TBC1D4: variants seen among roughly 807,000 people sequenced by gnomAD.
The protein encoded by TBC1D4 is TBC1 domain family member 4.
In TBC1D4, 121 loss-of-function variants were observed where a neutral mutation model predicts 142.5. That is an observed-to-expected ratio of 0.85 (90% CI 0.73 to 0.99). The LOEUF (loss-of-function observed/expected upper bound fraction) is 0.99. Ranked by LOEUF, TBC1D4 falls within the 50% of genes least tolerant of loss-of-function variation. TBC1D4 has a pLI of 0.00. For missense variants in TBC1D4, 1,475 were observed against 1,606.6 expected, an observed-to-expected ratio of 0.92 and a Z score of 1.40; for synonymous variants, 630 against 628.2, an observed-to-expected ratio of 1.00 and a Z score of -0.04.
chr13:75,444,238 C>G lies in TBC1D4; in HGVS notation c.498+37032G>C, dbSNP rs187994356. ...TCCTGAGCTCAAGAGATCCTTCCACCTCAGCCTCCTGTATAGCTGGGACTA... is the reference window on the plus strand; with the variant it reads ...TCCTGAGCTCAAGAGATCCTTCCACGTCAGCCTCCTGTATAGCTGGGACTA... On this transcript the variant is annotated intron_variant, in intron 1 of 20. Coordinates refer to ENST00000377636, the MANE Select transcript of TBC1D4 (RefSeq NM_014832.5). Among the ~76,000 whole-genome samples, 949 of 152,338 alleles carry G rather than the reference C, an allele frequency of 6.2e-3. 8 individuals are homozygous for G. Among genetic ancestry groups the G allele is most frequent in the African/African-American group, 0.021 (866 of 41,574 alleles).
At chr13:75,374,348 T>G (rs906892082) in intron 1 of TBC1D4, among the ~76,000 whole-genome samples, 1 of 152,174 alleles carries the variant, frequency 6.6e-6, no homozygotes, top group Non-Finnish European at 1.5e-5. Context: ...TCAAAAGAAT[T>G]TTTACTTCTC....
chr13:75,297,242 A>C (rs1876024657), intron 17 of TBC1D4, among the ~76,000 whole-genome samples: 1 of 152,224 alleles, frequency 6.6e-6, no homozygotes, highest in Non-Finnish European at 1.5e-5. Flanking sequence ...ATTTACATGA[A>C]TTTTTGTAAT....
rs1191974453 is a variant in TBC1D4, at chr13:75,302,313, A to G, written c.2841T>C (p.Pro947=). The change falls in exon 16 of 21, where the codon CCT becomes CCC. Residue 947 remains proline, a synonymous_variant. Transcript: ENST00000377636. ...AAAGTTCCTTATAGGATATGTCAGG[A>G]GGCTGTTGTTTATTAGGCAATCTGT... ...LRHRLPNKQQ[P]PDISYKELLK... 2 of 1,614,072 alleles carry G rather than the reference A, an allele frequency of 1.2e-6. No individual in the cohort carries two copies. Among genetic ancestry groups the G allele is most frequent in the East Asian group, 2.2e-5 (1 of 44,896 alleles).
chr13:75,284,486 A>G lies in TBC1D4; in HGVS notation c.*2306T>C, dbSNP rs1874501914. ...AGTTCACAATAGGGTTTGCGCTCCT[A>G]TGAGAATCTAATGCCGTGGCTGATC... is the stretch of plus-strand genomic sequence containing the variant. On this transcript the variant is annotated 3_prime_UTR_variant, in exon 21 of 21. Transcript: ENST00000377636. Among the ~76,000 whole-genome samples the G allele has an allele frequency of 1.3e-5, 2 of 152,164 alleles. No homozygotes were observed. Among genetic ancestry groups the G allele is most frequent in the African/African-American group, 2.4e-5 (1 of 41,436 alleles).
At chr13:75,469,784 CAA>C (rs1478165360) in intron 1 of TBC1D4, among the ~76,000 whole-genome samples, 1 of 151,706 alleles carries the variant, frequency 6.6e-6, no homozygotes, top group African/African-American at 2.4e-5. Flanking sequence ...CCTACCCCTC[CAA>C]AAAAAGAGTT....
chr13:75,340,797 T>C (rs1880621321), intron 7 of TBC1D4, among the ~76,000 whole-genome samples: 1 of 151,978 alleles, frequency 6.6e-6, no homozygotes, highest in Admixed American at 6.6e-5. Context: ...AAATACAAAA[T>C]TAGCCGGGTG....
chr13:75,390,113 TA>T lies in TBC1D4; in HGVS notation c.499-27507del, dbSNP rs1390197184. Among the ~76,000 whole-genome samples the T allele has an allele frequency of 1.9e-4, 29 of 151,484 alleles. No homozygotes were observed. The South Asian group carries it at 4.4e-3, about 23-fold the overall frequency. ...CAACATGGTGAAACCTCGTCTCTAC[TA>T]AAAATACAAAAAAAAATTAGCTGGG... On this transcript the variant is annotated intron_variant, in intron 1 of 20. Transcript: ENST00000377636.
chr13:75,300,095 T>G (rs552427151), intron 16 of TBC1D4, among the ~76,000 whole-genome samples: 1 of 152,214 alleles, frequency 6.6e-6, no homozygotes, highest in Non-Finnish European at 1.5e-5. Context: ...GACTTTACAT[T>G]CAGACTGTCA....
At chr13:75,316,194 A>G (rs1347940589) in intron 12 of TBC1D4, among the ~76,000 whole-genome samples, 1 of 152,190 alleles carries the variant, frequency 6.6e-6, no homozygotes, top group African/African-American at 2.4e-5. Flanking sequence ...AGTGTTTAGA[A>G]CGTACTAAAA....
intron 8 of TBC1D4, 128 bp downstream of exon 8, chr13:75,336,793 A>T: frequency 3.3e-6 from 4 of 1,201,250 alleles, no homozygotes. Context: ...ATAATTTTTA[A>T]AAGTTATCTT....
At chr13:75,315,659 C>T (rs1300568529) in intron 12 of TBC1D4, among the ~76,000 whole-genome samples, 7 of 151,936 alleles carry the variant, frequency 4.6e-5, no homozygotes, top group Non-Finnish European at 8.8e-5. Flanking sequence ...AAATAATAAG[C>T]ACTGAATAAT....
intron 1 of TBC1D4, among the ~76,000 whole-genome samples, chr13:75,389,436 G>A (rs1458234839): frequency 6.6e-6 from 1 of 152,070 alleles, no homozygotes; most frequent in African/African-American, 2.4e-5. Context: ...TTAATTCTGA[G>A]GCTACTATTA....
chr13:75,312,702 C>G (rs1379673261), intron 13 of TBC1D4, 36 bp downstream of exon 13: 1 of 1,613,924 alleles, frequency 6.2e-7, no homozygotes, highest in Non-Finnish European at 8.5e-7. Flanking sequence ...TTCTGACACT[C>G]AGAGGGATAA....
chr13:75,419,613 C>G (rs17064402), intron 1 of TBC1D4, among the ~76,000 whole-genome samples: 1 of 152,134 alleles, frequency 6.6e-6, no homozygotes, highest in Non-Finnish European at 1.5e-5. Context: ...GAGAACCACA[C>G]AGTAGTGTAA....
intron 1 of TBC1D4, among the ~76,000 whole-genome samples, chr13:75,368,000 A>T (rs1322538351): frequency 6.6e-6 from 1 of 152,158 alleles, no homozygotes; most frequent in Non-Finnish European, 1.5e-5. Flanking sequence ...AGTTCGTGCT[A>T]TGGTTTTTAG....
intron 8 of TBC1D4, among the ~76,000 whole-genome samples, chr13:75,330,437 T>G (rs1306898279): frequency 2.6e-5 from 4 of 152,232 alleles, no homozygotes; most frequent in African/African-American, 7.2e-5. Context: ...TATTGAACGC[T>G]TATCATGTGC....
chr13:75,432,631 T>C (rs2138165520), intron 1 of TBC1D4, among the ~76,000 whole-genome samples: 1 of 152,296 alleles, frequency 6.6e-6, no homozygotes, highest in African/African-American at 2.4e-5. Context: ...GTATAGTTAA[T>C]ACTTAAACGG....
intron 3 of TBC1D4, 121 bp from the exon 4 acceptor site, chr13:75,356,372 A>G: frequency 4.0e-6 from 3 of 750,184 alleles, no homozygotes; most frequent in Non-Finnish European, 7.0e-6. Context: ...CTTCACAGCA[A>G]TGAAGGGGGG....
In TBC1D4 at chr13:75,286,705, G is replaced by C. The variant is rs1197577988; in HGVS notation, c.*87C>G. On this transcript the variant is annotated 3_prime_UTR_variant, in exon 21 of 21. Transcript: ENST00000377636. ...GTATTAGGTGGTTCCATCAGCTTCA[G>C]GGTCCAGCCTTGGGCCAGCGACATG... 7.4e-7 allele frequency: 1 copy of C among 1,360,080 alleles called. No individual in the cohort carries two copies. Among genetic ancestry groups the C allele is most frequent in the Non-Finnish European group, 1.0e-6 (1 of 971,530 alleles). The allele number at this position is 1,360,080 out of a possible 1,614,324, so 84.3% of individuals were successfully genotyped here.
Sources: gnomAD v4.1 joint callset for allele counts (sites outside exome capture counted in the v4.1 genomes callset) on GRCh38, gnomAD v4.1.1 for gene constraint, MANE v1.5 for transcripts, NCBI Gene and HGNC (gene_info 2026-07-23, HGNC 2026-07-21) for gene names.